The following SUCLA2 variants were observed in gnomAD, a reference collection of about 807,000 sequenced individuals.
SUCLA2 encodes the protein succinate-CoA ligase ADP-forming subunit beta.
A neutral mutation model predicts 54.8 loss-of-function variants in SUCLA2; 30 were observed. The ratio of observed to expected loss-of-function variants is 0.55; its 90% confidence interval spans 0.41 to 0.74. The LOEUF (loss-of-function observed/expected upper bound fraction) is 0.74, where lower values mean the gene tolerates loss of function less well. Ranked by LOEUF, SUCLA2 falls within the 30% of genes least tolerant of loss-of-function variation. The probability of loss-of-function intolerance (pLI) is 0.00; values close to 1 mark genes in which losing one functional copy is unlikely to be tolerated. For missense variants in SUCLA2, 476 were observed against 562.9 expected (o/e 0.85, Z 1.56); for synonymous variants, 172 against 188.9 (o/e 0.91, Z 0.74).
At chr13:47,999,050 G>A (rs1385974270) in intron 1 of SUCLA2, among the ~76,000 whole-genome samples, 3 of 152,228 alleles carry the variant, frequency 2.0e-5, no homozygotes, top group African/African-American at 7.2e-5. Flanking sequence ...CAGCCACAGA[G>A]TTCACAGGCA....
At chr13:47,958,412 T>C (rs191165827) in intron 6 of SUCLA2, among the ~76,000 whole-genome samples, 35 of 152,344 alleles carry the variant, frequency 2.3e-4, no homozygotes, top group Non-Finnish European at 4.0e-4. Context: ...TTGTTATATG[T>C]TGTGTCTACC....
chr13:47,964,983 TAAA>T lies in SUCLA2; in HGVS notation c.802+3609_802+3611del, dbSNP rs3056600. Among the ~76,000 whole-genome samples, 1,154 of 144,720 alleles carry T rather than the reference TAAA, an allele frequency of 8.0e-3. 10 individuals are homozygous for T. The highest frequency in any genetic ancestry group is 0.02 in the African/African-American group (799 of 39,746). 94.9% of individuals were successfully genotyped at this position (144,720 alleles called of 152,430 possible). On this transcript the variant is annotated intron_variant, in intron 6 of 10. Coordinates refer to ENST00000646932, the MANE Select transcript of SUCLA2 (RefSeq NM_003850.3). ...TTTTATTTATAATTTTTCATTTATT[TAAA>T]AAAAAAAAAAAAAGAGGCCACAGGA... is the stretch of plus-strand genomic sequence containing the variant.
At chr13:47,998,221 G>A (rs544200109) in intron 1 of SUCLA2, among the ~76,000 whole-genome samples, 1 of 151,212 alleles carries the variant, frequency 6.6e-6, no homozygotes. Flanking sequence ...AGACTGCAGT[G>A]AGCTGTGATT....
chr13:47,943,524 A>AT, intron 10 of SUCLA2, 79 bp from the exon 11 acceptor site: 2 of 1,290,526 alleles, frequency 1.5e-6, no homozygotes, highest in African/African-American at 1.5e-5. Flanking sequence ...TGTACACTCA[A>AT]TTTTTTCCAT....
intron 6 of SUCLA2, among the ~76,000 whole-genome samples, chr13:47,957,597 C>T (rs1187683344): frequency 6.6e-6 from 1 of 152,112 alleles, no homozygotes; most frequent in East Asian, 1.9e-4. Flanking sequence ...CCTTATGGGC[C>T]TAGACATAAG....
chr13:47,954,704 T>C (rs1949805165), intron 6 of SUCLA2, 147 bp from the exon 7 acceptor site: 1 of 935,500 alleles, frequency 1.1e-6, no homozygotes, highest in Non-Finnish European at 1.6e-6. Context: ...TCACTATGAA[T>C]TCAAACTGTT....
chr13:47,990,256 A>G (rs1183274447), intron 2 of SUCLA2, among the ~76,000 whole-genome samples: 2 of 152,158 alleles, frequency 1.3e-5, no homozygotes, highest in African/African-American at 4.8e-5. Flanking sequence ...GTTGAGGCAC[A>G]AGAATCACTT....
In SUCLA2 at chr13:47,988,687, C is replaced by A; in HGVS notation, c.388G>T (p.Ala130Ser). The A allele has an allele frequency of 6.2e-7, 1 of 1,613,792 alleles. No homozygotes were observed. Among genetic ancestry groups the A allele is most frequent in the African/African-American group, 1.3e-5 (1 of 75,034 alleles). ...KIVFSPEEAK[A>S]VSSQMIGKKL... ...TTCCCAATCATTTGTGAAGAAACAG[C>A]TTTTGCTTCTTCTGGACTAAAATAA... The change falls in exon 4 of 11, where the codon GCT (alanine) becomes TCT (serine). Residue 130 changes from alanine (A) to serine (S), a missense_variant. By Grantham distance (99) the Ala-to-Ser change is moderately conservative. Coordinates refer to ENST00000646932, the MANE Select transcript of SUCLA2 (RefSeq NM_003850.3).
At chr13:47,963,220 G>A (rs1949886621) in intron 6 of SUCLA2, among the ~76,000 whole-genome samples, 1 of 152,128 alleles carries the variant, frequency 6.6e-6, no homozygotes, top group South Asian at 2.1e-4. Context: ...CTATATTGAA[G>A]CTAATAAAAA....
At chr13:47,960,724 T>C (rs1426591503) in intron 6 of SUCLA2, among the ~76,000 whole-genome samples, 1 of 152,114 alleles carries the variant, frequency 6.6e-6, no homozygotes, top group Non-Finnish European at 1.5e-5. Context: ...AAAGAGAGAC[T>C]TTCTAGTGAC....
intron 10 of SUCLA2, among the ~76,000 whole-genome samples, chr13:47,945,422 C>CAAA (rs10661341): frequency 0.016 from 778 of 49,906 alleles, 105 homozygotes; most frequent in African/African-American, 0.053. Context: ...GACTCAGTCT[C>CAAA]AAAAAAAAAA....
intron 1 of SUCLA2, among the ~76,000 whole-genome samples, chr13:47,997,536 T>C (rs1457107947): frequency 1.3e-5 from 2 of 152,176 alleles, no homozygotes; most frequent in Non-Finnish European, 2.9e-5. Flanking sequence ...GCACTCCCCA[T>C]TCAGGACCAA....
chr13:47,964,813 T>A (rs752687944), intron 6 of SUCLA2, among the ~76,000 whole-genome samples: 1 of 151,914 alleles, frequency 6.6e-6, no homozygotes, highest in Non-Finnish European at 1.5e-5. Context: ...GCTGAGATCG[T>A]GCCACTGCAC....
At chr13:47,997,993 C>T (rs1033173903) in intron 1 of SUCLA2, among the ~76,000 whole-genome samples, 1 of 152,178 alleles carries the variant, frequency 6.6e-6, no homozygotes, top group Non-Finnish European at 1.5e-5. Context: ...ATGAGAACTA[C>T]TAGTCTTACA....
intron 5 of SUCLA2, among the ~76,000 whole-genome samples, chr13:47,970,521 T>A (rs995578212): frequency 6.6e-6 from 1 of 152,222 alleles, no homozygotes; most frequent in Admixed American, 6.5e-5. Flanking sequence ...ATTTGCTTTA[T>A]TCTCCATCAG....
chr13:47,971,296 A>G (rs894334406), intron 5 of SUCLA2, among the ~76,000 whole-genome samples: 1 of 151,404 alleles, frequency 6.6e-6, no homozygotes, highest in Non-Finnish European at 1.5e-5. Flanking sequence ...GCATGCCTGT[A>G]ATCCTAGCTA....
chr13:47,972,789 C>G (rs1213068217), intron 5 of SUCLA2, among the ~76,000 whole-genome samples: 4 of 144,088 alleles, frequency 2.8e-5, no homozygotes, highest in Non-Finnish European at 3.0e-5. Flanking sequence ...ACTCTGTTGC[C>G]CAGGCTGGAG....
intron 10 of SUCLA2, among the ~76,000 whole-genome samples, chr13:47,947,606 C>T (rs1270352425): frequency 6.6e-6 from 1 of 152,096 alleles, no homozygotes; most frequent in African/African-American, 2.4e-5. Context: ...GCTAGTAATA[C>T]CACAAAAAGA....
At chr13:47,961,555 C>A (rs1949871518) in intron 6 of SUCLA2, among the ~76,000 whole-genome samples, 1 of 152,058 alleles carries the variant, frequency 6.6e-6, no homozygotes, top group Non-Finnish European at 1.5e-5. Context: ...TCCCTGACAT[C>A]CAAGAGAGAT....
Sources: allele counts gnomAD v4.1 joint callset (sites outside exome capture counted in the v4.1 genomes callset), GRCh38; gene constraint gnomAD v4.1.1; transcripts MANE v1.5; gene names NCBI Gene and HGNC (gene_info 2026-07-23, HGNC 2026-07-21).